SGK1: variants seen among roughly 807,000 people sequenced by gnomAD.
SGK1 encodes the protein serine/threonine-protein kinase Sgk1.
In SGK1, 26 loss-of-function variants were observed where a neutral mutation model predicts 64.2. The ratio of observed to expected loss-of-function variants is 0.40; its 90% CI spans 0.30 to 0.56. SGK1 has a LOEUF of 0.56. Ranked by LOEUF, SGK1 falls within the 20% of genes least tolerant of loss-of-function variation. The pLI is 0.38. For synonymous variants in SGK1, 265 were observed against 239.7 expected (o/e 1.11, Z -0.98); for missense variants, 519 against 645.6 (o/e 0.80, Z 2.12).
intron 2 of SGK1, among the ~76,000 whole-genome samples, chr6:134,236,275 C>T (rs989819381): frequency 6.6e-6 from 1 of 152,110 alleles, no homozygotes; most frequent in Non-Finnish European, 1.5e-5. Context: ...GGTACTTTCT[C>T]TTCCTGTAAT....
chr6:134,274,098 G>A (rs988018264), intron 1 of SGK1, among the ~76,000 whole-genome samples: 1 of 152,024 alleles, frequency 6.6e-6, no homozygotes, highest in African/African-American at 2.4e-5. Flanking sequence ...CCGCCTCCCA[G>A]GTTCAAGAGA....
At chr6:134,185,994 T>C (rs1270759182) in intron 3 of SGK1, among the ~76,000 whole-genome samples, 1 of 152,064 alleles carries the variant, frequency 6.6e-6, no homozygotes, top group East Asian at 1.9e-4. Flanking sequence ...GGGCGGGTCT[T>C]TTCTACTTAG....
At chr6:134,317,051 C>G (rs1777697147) in intron 1 of SGK1, among the ~76,000 whole-genome samples, 1 of 152,188 alleles carries the variant, frequency 6.6e-6, no homozygotes, top group Non-Finnish European at 1.5e-5. Flanking sequence ...TAGCCCCTGA[C>G]TAAATTACTA....
chr6:134,174,213 A>G (rs1775134161), intron 4 of SGK1, 133 bp from the exon 5 acceptor site: 2 of 651,000 alleles, frequency 3.1e-6, no homozygotes, highest in South Asian at 3.8e-5. Context: ...ACCCCAATAC[A>G]TTAGTCAGTT....
chr6:134,180,967 T>A (rs1247728874), intron 3 of SGK1, among the ~76,000 whole-genome samples: 2 of 151,860 alleles, frequency 1.3e-5, no homozygotes, highest in African/African-American at 4.8e-5. Flanking sequence ...ACTCAAAAAA[T>A]TTAATTTGCA....
chr6:134,250,687 C>A (rs1413190004), intron 2 of SGK1, among the ~76,000 whole-genome samples: 1 of 152,122 alleles, frequency 6.6e-6, no homozygotes, highest in African/African-American at 2.4e-5. Context: ...TAAGAAGAGT[C>A]TTTTCAGGTC....
rs71003671 is a variant in SGK1, at chr6:134,191,835, A to ATTTTTTTTTTTTTTTTTT, written c.361+15503_361+15520dup. On this transcript the variant is annotated intron_variant, in intron 3 of 13. Coordinates refer to ENST00000367858, the MANE Select transcript of SGK1 (RefSeq NM_001143676.3). ...AGGCATGCGCCACCACGCCCGGCTG[A>ATTTTTTTTTTTTTTTTTT]TTTTTTTTTTTTTTTTTTGAGACAG... is the stretch of plus-strand genomic sequence containing the variant. Among the ~76,000 whole-genome samples the ATTTTTTTTTTTTTTTTTT allele has an allele frequency of 3.4e-4, 21 of 61,204 alleles. 5 individuals are homozygous for ATTTTTTTTTTTTTTTTTT. Among genetic ancestry groups the ATTTTTTTTTTTTTTTTTT allele is most frequent in the African/African-American group, 1.3e-3 (19 of 14,868 alleles). 40.2% of individuals were successfully genotyped at this position (61,204 alleles called of 152,430 possible).
chr6:134,188,730 G>T (rs77708660), intron 3 of SGK1, among the ~76,000 whole-genome samples: 1 of 151,470 alleles, frequency 6.6e-6, no homozygotes, highest in Non-Finnish European at 1.5e-5. Context: ...GAGCCACCAC[G>T]CCTGGCCAAC....
chr6:134,290,125 G>A (rs1327664053), intron 1 of SGK1, among the ~76,000 whole-genome samples: 2 of 142,990 alleles, frequency 1.4e-5, no homozygotes, highest in East Asian at 4.1e-4. Context: ...ACTCCAGCCT[G>A]GGCAACAAGA....
At chr6:134,285,838 TA>T (rs1344945723) in intron 1 of SGK1, among the ~76,000 whole-genome samples, 1 of 152,044 alleles carries the variant, frequency 6.6e-6, no homozygotes, top group Non-Finnish European at 1.5e-5. Context: ...TTTTAAGGGA[TA>T]AAAAGATAAA....
At position 134,317,571 on chromosome 6, in the gene SGK1, G is replaced by T. The variant is rs1777705927; in HGVS notation, c.-111C>A. On this transcript the variant is annotated 5_prime_UTR_variant, in exon 1 of 14. Coordinates refer to ENST00000367858, the MANE Select transcript of SGK1 (RefSeq NM_001143676.3). ...CAGACAGTTAATGAAGACTGAGCGGGATGGAGAATCTAGCGGGGCTCAGTT... is the reference window on the plus strand; with the variant it reads ...CAGACAGTTAATGAAGACTGAGCGGTATGGAGAATCTAGCGGGGCTCAGTT... 2 of 763,582 alleles carry T rather than the reference G, an allele frequency of 2.6e-6. No individual in the cohort carries two copies. Among genetic ancestry groups the T allele is most frequent in the Non-Finnish European group, 4.8e-6 (2 of 415,380 alleles). The allele number at this position is 763,582 out of a possible 1,614,324, so 47.3% of individuals were successfully genotyped here.
Position 134,274,787 on chromosome 6 carries a change from GTCTTTTCTTT to G in SGK1, c.70-12649_70-12640del, listed in dbSNP as rs142632426. Among the ~76,000 whole-genome samples, 928 of 150,092 alleles carry G rather than the reference GTCTTTTCTTT, an allele frequency of 6.2e-3. 6 individuals carry two copies. The highest frequency in any genetic ancestry group is 8.4e-3 in the Non-Finnish European group (565 of 67,626). ...TTCCTTAAATGGTATTGCCCTTTTA[GTCTTTTCTTT>G]TCTTTTCTTTTCTTTTCTTTTCTTT... On this transcript the variant is annotated intron_variant, in intron 1 of 13. Coordinates refer to ENST00000367858, the MANE Select transcript of SGK1 (RefSeq NM_001143676.3).
chr6:134,239,110 C>T (rs899937613), intron 2 of SGK1, among the ~76,000 whole-genome samples: 1 of 152,198 alleles, frequency 6.6e-6, no homozygotes, highest in Non-Finnish European at 1.5e-5. Context: ...TTACCTCAGA[C>T]CAACAGTAGC....
chr6:134,194,711 C>G (rs921365854), intron 3 of SGK1, among the ~76,000 whole-genome samples: 23 of 151,984 alleles, frequency 1.5e-4, no homozygotes, highest in Non-Finnish European at 2.4e-4. Flanking sequence ...TTGGTAGAGA[C>G]GAGGTTTCAC....
intron 3 of SGK1, among the ~76,000 whole-genome samples, chr6:134,192,787 G>A (rs1340873103): frequency 5.3e-5 from 8 of 151,864 alleles, no homozygotes; most frequent in East Asian, 3.9e-4. Context: ...TCTGAAACTC[G>A]ACCTCAAATG....
chr6:134,208,952 A>G (rs1775840750), intron 2 of SGK1, among the ~76,000 whole-genome samples: 1 of 151,404 alleles, frequency 6.6e-6, no homozygotes, highest in South Asian at 2.1e-4. Flanking sequence ...TTTCCTCTCG[A>G]TAGATACACA....
At chr6:134,298,744 CAGA>C (rs1777400896) in intron 1 of SGK1, 1 of 516,836 alleles carries the variant, frequency 1.9e-6, no homozygotes. Flanking sequence ...GCAGAGATTC[CAGA>C]AGGAGTGAAG....
intron 2 of SGK1, among the ~76,000 whole-genome samples, chr6:134,218,413 T>G (rs1776021861): frequency 2.8e-5 from 4 of 144,200 alleles, no homozygotes. Flanking sequence ...CTCATGGAAC[T>G]TGTTTTCTTT....
At chr6:134,216,756 G>C (rs1045432910) in intron 2 of SGK1, among the ~76,000 whole-genome samples, 2 of 152,142 alleles carry the variant, frequency 1.3e-5, no homozygotes, top group Non-Finnish European at 2.9e-5. Flanking sequence ...CAATAATATG[G>C]GCAAAGTTGT....
Sources: allele counts gnomAD v4.1 joint callset (sites outside exome capture counted in the v4.1 genomes callset), GRCh38; gene constraint gnomAD v4.1.1; transcripts MANE v1.5; gene names NCBI Gene and HGNC (gene_info 2026-07-23, HGNC 2026-07-21).